NPSR1: variants seen among roughly 807,000 people sequenced by gnomAD.
NPSR1 encodes the protein neuropeptide S receptor.
In NPSR1, 48 loss-of-function variants were observed where a neutral mutation model predicts 46.9. The ratio of observed to expected loss-of-function variants is 1.02; its 90% CI spans 0.81 to 1.30. NPSR1 has a LOEUF of 1.30. NPSR1 is among the 50% of genes most tolerant of loss of function. The pLI, the probability that NPSR1 is intolerant of heterozygous loss-of-function variation, is 0.00. For synonymous variants in NPSR1, 176 were observed against 168.1 expected, an observed-to-expected ratio of 1.05 and a Z score of -0.36; for missense variants, 450 against 449.5, an observed-to-expected ratio of 1.00 and a Z score of -0.01.
intron 4 of NPSR1, among the ~76,000 whole-genome samples, chr7:34,815,666 GA>G (rs1156884134): frequency 2.6e-5 from 4 of 152,192 alleles, no homozygotes; most frequent in Non-Finnish European, 5.9e-5. Flanking sequence ...CAGCCAGAGA[GA>G]AAGGTCAGGT....
intron 2 of NPSR1, among the ~76,000 whole-genome samples, chr7:34,764,872 C>G (rs1224789072): frequency 6.6e-6 from 1 of 152,256 alleles, no homozygotes; most frequent in African/African-American, 2.4e-5. Flanking sequence ...CCCTAAGGCC[C>G]AGGCACACTG....
At chr7:34,848,444 G>A in intron 7 of NPSR1, 39 bp from the exon 8 acceptor site, 2 of 1,595,894 alleles carry the variant, frequency 1.3e-6, no homozygotes, top group Non-Finnish European at 8.6e-7. Context: ...CCCCTCAACT[G>A]CTACCTGCTG....
At chr7:34,663,976 A>C (rs1160922272) in intron 1 of NPSR1, among the ~76,000 whole-genome samples, 1 of 152,234 alleles carries the variant, frequency 6.6e-6, no homozygotes, top group Admixed American at 6.5e-5. Flanking sequence ...GGAAAGAAGC[A>C]CATCCATTCA....
At chr7:34,810,171 G>A (rs1788912434) in intron 3 of NPSR1, among the ~76,000 whole-genome samples, 1 of 152,184 alleles carries the variant, frequency 6.6e-6, no homozygotes, top group Admixed American at 6.5e-5. Context: ...AGAAGAAAGT[G>A]AAGTAAATGC....
chr7:34,696,522 G>T (rs1793536773), intron 2 of NPSR1, among the ~76,000 whole-genome samples: 1 of 151,826 alleles, frequency 6.6e-6, no homozygotes, highest in East Asian at 1.9e-4. Flanking sequence ...GTCCTAGAAA[G>T]GAATAAAACA....
chr7:34,835,623 G>A (rs1406662196), intron 6 of NPSR1, among the ~76,000 whole-genome samples: 2 of 151,936 alleles, frequency 1.3e-5, no homozygotes, highest in African/African-American at 2.4e-5. Flanking sequence ...AAGTATTATC[G>A]GGCACTGATA....
chr7:34,739,312 C>T (rs1784825686), intron 2 of NPSR1, among the ~76,000 whole-genome samples: 2 of 152,192 alleles, frequency 1.3e-5, no homozygotes, highest in Admixed American at 6.5e-5. Flanking sequence ...TAAGTAAATA[C>T]AAAATTGTTT....
At chr7:34,659,556 A>G (rs898071) in intron 1 of NPSR1, among the ~76,000 whole-genome samples, 80 of 152,174 alleles carry the variant, frequency 5.3e-4, no homozygotes, top group African/African-American at 1.8e-3. Context: ...AAATATTCAG[A>G]ATAAAACTTT....
chr7:34,771,564 CA>C (rs1452790269), intron 2 of NPSR1, among the ~76,000 whole-genome samples: 1 of 151,986 alleles, frequency 6.6e-6, no homozygotes, highest in Non-Finnish European at 1.5e-5. Context: ...AAAGGGCAAC[CA>C]AAGAAGGGAA....
chr7:34,808,099 C>T (rs1788798812), intron 3 of NPSR1, among the ~76,000 whole-genome samples: 1 of 152,122 alleles, frequency 6.6e-6, no homozygotes, highest in Non-Finnish European at 1.5e-5. Flanking sequence ...GAGGAAAAGG[C>T]AGAGCTTGGG....
At chr7:34,788,207 T>A (rs1325912254) in intron 3 of NPSR1, among the ~76,000 whole-genome samples, 3 of 152,000 alleles carry the variant, frequency 2.0e-5, no homozygotes, top group African/African-American at 7.2e-5. Context: ...AAATCGCTCG[T>A]TATAAGACAT....
chr7:34,753,591 C>T (rs1227830831), intron 2 of NPSR1: 4 of 152,176 alleles, frequency 2.6e-5, no homozygotes, highest in Non-Finnish European at 2.9e-5. Context: ...ACTAGATTGC[C>T]TAAGGAAGCA....
intron 2 of NPSR1, among the ~76,000 whole-genome samples, chr7:34,740,821 G>C (rs983461672): frequency 2.0e-5 from 3 of 152,128 alleles, no homozygotes; most frequent in African/African-American, 7.2e-5. Flanking sequence ...CGGCTTTCCT[G>C]ATTTATTCCT....
chr7:34,847,793 G>A (rs775945875), intron 7 of NPSR1, among the ~76,000 whole-genome samples: 13 of 152,138 alleles, frequency 8.5e-5, no homozygotes, highest in East Asian at 1.9e-4. Context: ...CCAGAATAGC[G>A]TTTAACCGAA....
At chr7:34,824,274 T>C (rs1467582652) in intron 4 of NPSR1, among the ~76,000 whole-genome samples, 1 of 152,132 alleles carries the variant, frequency 6.6e-6, no homozygotes, top group Non-Finnish European at 1.5e-5. Context: ...AAAAGGTAAA[T>C]GAGTTACATG....
rs968583248 is a variant in NPSR1, at chr7:34,747,482, A to G, written c.281-30980A>G. On this transcript the variant is annotated intron_variant, in intron 2 of 8. Transcript: ENST00000360581. ...GCCTTTGTGACAAAGCCCGTGGCCC[A>G]AGAAGGCCCTGCATTTGGAACAAGG... Among the ~76,000 whole-genome samples the G allele has an allele frequency of 4.1e-4, 62 of 152,208 alleles. 2 individuals carry two copies. The highest frequency in any genetic ancestry group is 1.2e-4 in the Non-Finnish European group (8 of 68,038).
intron 3 of NPSR1, among the ~76,000 whole-genome samples, chr7:34,781,594 G>A (rs558568326): frequency 5.9e-5 from 9 of 152,276 alleles, no homozygotes; most frequent in Admixed American, 2.0e-4. Flanking sequence ...TTCCCACTGA[G>A]TAACCAACAG....
chr7:34,664,941 A>T (rs1281600977), intron 1 of NPSR1, among the ~76,000 whole-genome samples: 2 of 152,160 alleles, frequency 1.3e-5, no homozygotes, highest in East Asian at 1.9e-4. Context: ...TGATAGATCT[A>T]TTACTCTTGT....
At chr7:34,849,490 G>A (rs188835668) in intron 8 of NPSR1, 75 bp from the exon 9 acceptor site, 1 of 1,603,408 alleles carries the variant, frequency 6.2e-7, no homozygotes, top group Non-Finnish European at 8.5e-7. Flanking sequence ...CATAACTATT[G>A]TCTCTTAACA....
Sources: allele counts gnomAD v4.1 joint callset (sites outside exome capture counted in the v4.1 genomes callset), GRCh38; gene constraint gnomAD v4.1.1; transcripts MANE v1.5; gene names NCBI Gene and HGNC (gene_info 2026-07-23, HGNC 2026-07-21).